DGKB: variants seen among roughly 807,000 people sequenced by gnomAD.
DGKB encodes 90 kDa diacylglycerol kinase.
In DGKB, 67 loss-of-function variants were observed where a neutral mutation model predicts 114.3. The ratio of observed to expected loss-of-function variants is 0.59; its 90% CI spans 0.48 to 0.72. The LOEUF (loss-of-function observed/expected upper bound fraction) is 0.72, where lower values mean the gene tolerates loss of function less well. Ranked by LOEUF, DGKB falls within the 30% of genes least tolerant of loss-of-function variation. The pLI, the probability that DGKB is intolerant of heterozygous loss-of-function variation, is 0.00. For missense variants in DGKB, 907 were observed against 975.2 expected (o/e 0.93, Z 0.93); for synonymous variants, 398 against 323.1 (o/e 1.23, Z -2.49).
At position 14,295,776 on chromosome 7, in the gene DGKB, T is replaced by A. The variant is rs187162771; in HGVS notation, c.2122+42739A>T. Among the ~76,000 whole-genome samples the A allele has an allele frequency of 3.4e-3, 513 of 152,222 alleles. 7 individuals are homozygous for A. The highest frequency in any genetic ancestry group is 0.012 in the African/African-American group (490 of 41,544). On this transcript the variant is annotated intron_variant, in intron 23 of 25. Transcript: ENST00000402815. Reference sequence around the variant, plus strand: ...AACATGCAGGTTTGCTACATAGGTATACATGTGCCATGGTGGTTTGCTGCA... The same window carrying A: ...AACATGCAGGTTTGCTACATAGGTAAACATGTGCCATGGTGGTTTGCTGCA...
chr7:14,153,637 A>G (rs373210198), intron 25 of DGKB, among the ~76,000 whole-genome samples: 3 of 152,160 alleles, frequency 2.0e-5, no homozygotes, highest in African/African-American at 4.8e-5. Flanking sequence ...CCTAGAGAGC[A>G]TTCCCTCTCT....
chr7:14,301,048 A>G (rs1803454391), intron 23 of DGKB, among the ~76,000 whole-genome samples: 1 of 152,096 alleles, frequency 6.6e-6, no homozygotes, highest in Non-Finnish European at 1.5e-5. Context: ...AGCCTGTAAT[A>G]TATTTGTATA....
In DGKB at chr7:14,694,212, A is replaced by G. The variant is rs758609094; in HGVS notation, c.592-18T>C. On this transcript the variant is annotated intron_variant, in intron 8 of 25. Transcript: ENST00000402815. ...TGGAGGATCTGGAGTAGAGGAGATA[A>G]GGGAAAATTGGTGGTCAACCAATAA... The G allele has an allele frequency of 4.5e-6, 7 of 1,551,950 alleles. No homozygotes were observed. In the South Asian group the frequency reaches 8.4e-5, roughly 19 times the overall value.
chr7:14,178,253 C>T, intron 23 of DGKB, 102 bp from the exon 24 acceptor site: 1 of 1,245,288 alleles, frequency 8.0e-7, no homozygotes, highest in South Asian at 1.4e-5. Context: ...ACAGCCACTT[C>T]ACAAAGAAAG....
chr7:14,160,334 T>G (rs1047649714), intron 25 of DGKB, among the ~76,000 whole-genome samples: 2 of 152,244 alleles, frequency 1.3e-5, no homozygotes, highest in East Asian at 3.9e-4. Flanking sequence ...GAAGTCAAAT[T>G]GTCTCTGTTT....
intron 23 of DGKB, among the ~76,000 whole-genome samples, chr7:14,318,908 C>G (rs1304057043): frequency 6.6e-6 from 1 of 152,066 alleles, no homozygotes; most frequent in East Asian, 1.9e-4. Flanking sequence ...CAATGATAGA[C>G]TGGATTAAGA....
chr7:14,199,016 G>A (rs1785434871), intron 23 of DGKB, among the ~76,000 whole-genome samples: 1 of 152,090 alleles, frequency 6.6e-6, no homozygotes, highest in Non-Finnish European at 1.5e-5. Context: ...CTTCAGGTAA[G>A]TCATTTAATG....
chr7:14,658,729 A>C (rs991289705), intron 13 of DGKB, among the ~76,000 whole-genome samples: 10 of 151,810 alleles, frequency 6.6e-5, no homozygotes, highest in Non-Finnish European at 1.3e-4. Context: ...TTCATATTTT[A>C]TATTTATAAT....
At chr7:14,696,355 C>T (rs762391060) in intron 8 of DGKB, among the ~76,000 whole-genome samples, 15 of 151,632 alleles carry the variant, frequency 9.9e-5, no homozygotes, top group South Asian at 2.1e-4. Context: ...ATTAGCCGGG[C>T]GCGGTGGCGG....
chr7:14,729,677 T>C (rs1409278800), intron 5 of DGKB, among the ~76,000 whole-genome samples: 1 of 152,198 alleles, frequency 6.6e-6, no homozygotes, highest in Non-Finnish European at 1.5e-5. Context: ...ACGGTTCACC[T>C]CCTCTTTTCC....
chr7:14,162,516 A>ATGTT (rs1246692904), intron 25 of DGKB, among the ~76,000 whole-genome samples: 4 of 152,142 alleles, frequency 2.6e-5, no homozygotes, highest in African/African-American at 9.7e-5. Context: ...TTAACCTTTC[A>ATGTT]TGTTTTTAGA....
At chr7:14,438,423 T>C (rs1484835237) in intron 21 of DGKB, among the ~76,000 whole-genome samples, 2 of 152,106 alleles carry the variant, frequency 1.3e-5, no homozygotes, top group African/African-American at 2.4e-5. Context: ...CTAAACATTA[T>C]TTAAAAAGGA....
At chr7:14,284,429 C>A (rs1243923299) in intron 23 of DGKB, among the ~76,000 whole-genome samples, 8 of 144,950 alleles carry the variant, frequency 5.5e-5, no homozygotes, top group South Asian at 4.2e-4. Flanking sequence ...TAAACTAGTT[C>A]AACCACTGTG....
intron 13 of DGKB, among the ~76,000 whole-genome samples, chr7:14,643,749 C>A (rs568283164): frequency 1.6e-4 from 24 of 152,276 alleles, no homozygotes; most frequent in Admixed American, 9.1e-4. Flanking sequence ...GCAGTGGGGC[C>A]ACCACATGTC....
At chr7:14,717,288 T>C (rs1312730826) in intron 6 of DGKB, among the ~76,000 whole-genome samples, 1 of 152,110 alleles carries the variant, frequency 6.6e-6, no homozygotes, top group Non-Finnish European at 1.5e-5. Context: ...CATTTTCAGA[T>C]GTGGAAAAAA....
chr7:14,751,848 A>G (rs543776290), intron 4 of DGKB, among the ~76,000 whole-genome samples: 2 of 152,328 alleles, frequency 1.3e-5, no homozygotes, highest in Admixed American at 1.3e-4. Context: ...TATATCTCCA[A>G]TATTCTCACT....
chr7:14,871,329 G>A (rs939713957), intron 1 of DGKB, among the ~76,000 whole-genome samples: 1 of 152,066 alleles, frequency 6.6e-6, no homozygotes, highest in Admixed American at 6.6e-5. Context: ...TCACCATGCT[G>A]TGCAATAGGT....
chr7:14,833,372 A>G (rs764753953), intron 2 of DGKB, among the ~76,000 whole-genome samples: 3 of 147,902 alleles, frequency 2.0e-5, no homozygotes, highest in Non-Finnish European at 4.5e-5. Context: ...ATATTGATTT[A>G]TGTTTATGTC....
intron 23 of DGKB, among the ~76,000 whole-genome samples, chr7:14,221,794 T>C (rs1233168940): frequency 1.3e-5 from 2 of 151,308 alleles, no homozygotes; most frequent in Non-Finnish European, 3.0e-5. Flanking sequence ...TCTGGGTCTT[T>C]GCTTTTCTTT....
Sources: gnomAD v4.1 joint callset for allele counts (sites outside exome capture counted in the v4.1 genomes callset) on GRCh38, gnomAD v4.1.1 for gene constraint, MANE v1.5 for transcripts, NCBI Gene and HGNC (gene_info 2026-07-23, HGNC 2026-07-21) for gene names.